The following ARID4B variants were observed in gnomAD, a reference collection of about 807,000 sequenced individuals.
ARID4B encodes AT-rich interactive domain-containing protein 4B.
In ARID4B, 26 loss-of-function variants were observed where a neutral mutation model predicts 147.5. The observed-to-expected ratio is 0.18, with a 90% CI of 0.13 to 0.24. The LOEUF is 0.24. Ranked by LOEUF, ARID4B falls within the 10% of genes least tolerant of loss-of-function variation. ARID4B has a pLI of 1.00. For missense variants in ARID4B, 1,179 were observed against 1,511.5 expected (o/e 0.78, Z 3.65); for synonymous variants, 512 against 507.9 (o/e 1.01, Z -0.11).
At chr1:235,285,864 TG>T (rs1414952468) in intron 2 of ARID4B, among the ~76,000 whole-genome samples, 7 of 152,216 alleles carry the variant, frequency 4.6e-5, no homozygotes, top group Non-Finnish European at 1.0e-4. Flanking sequence ...TTTAGAGATC[TG>T]GCAGAGAGTT....
chr1:235,266,303 C>CAT (rs1271167595), intron 2 of ARID4B, among the ~76,000 whole-genome samples: 1 of 152,118 alleles, frequency 6.6e-6, no homozygotes. Context: ...GATAAATATG[C>CAT]ATGTCTATCT....
rs1247133946 is a variant in ARID4B at position 235,247,134 on chromosome 1, TTC to T, written c.355-625_355-624del. 7.2e-5 allele frequency among the ~76,000 whole-genome samples: 11 copies of T among 152,316 alleles called. No homozygotes were observed. The South Asian group carries it at 2.3e-3, about 32-fold the overall frequency. The stretch of plus-strand genomic sequence containing the variant: ...ACGTTTTCTTAAGATTTTCCACAGT[TTC>T]TGTTCCTTTCCTCATCCTAAGAAGA... On this transcript the variant is annotated intron_variant, in intron 6 of 23. Coordinates refer to ENST00000264183, the MANE Select transcript of ARID4B (RefSeq NM_016374.6).
intron 2 of ARID4B, among the ~76,000 whole-genome samples, chr1:235,316,945 G>C (rs914559161): frequency 6.6e-6 from 1 of 152,170 alleles, no homozygotes; most frequent in East Asian, 1.9e-4. Flanking sequence ...ATGCTCACTG[G>C]AACATTTTGG....
In ARID4B at chr1:235,267,283, A is replaced by G. The variant is rs546328565; in HGVS notation, c.7-6531T>C. On this transcript the variant is annotated intron_variant, in intron 2 of 23. Transcript: ENST00000264183. The stretch of plus-strand genomic sequence containing the variant: ...ACAGAGCAAGGCTCTGTCAAAAAAC[A>G]AAACAAAACAAAACAAAAAACCATC... Among the ~76,000 whole-genome samples, 28 of 152,342 alleles carry G rather than the reference A, an allele frequency of 1.8e-4. No individual in the cohort carries two copies. In the South Asian group the frequency reaches 5.0e-3, roughly 27 times the overall value.
At chr1:235,187,701 T>C (rs1019987513) in intron 19 of ARID4B, among the ~76,000 whole-genome samples, 1 of 152,214 alleles carries the variant, frequency 6.6e-6, no homozygotes, top group African/African-American at 2.4e-5. Context: ...CAAATTTTTA[T>C]GTATACATAT....
At chr1:235,247,906 T>C (rs1669401411) in intron 6 of ARID4B, among the ~76,000 whole-genome samples, 1 of 152,102 alleles carries the variant, frequency 6.6e-6, no homozygotes, top group Non-Finnish European at 1.5e-5. Context: ...GAGAATCGCT[T>C]GAACCCGGCA....
chr1:235,230,370 C>A (rs2103046856), intron 10 of ARID4B, among the ~76,000 whole-genome samples: 1 of 151,978 alleles, frequency 6.6e-6, no homozygotes, highest in East Asian at 1.9e-4. Flanking sequence ...GATTGTACCA[C>A]TGCACTGCAA....
intron 14 of ARID4B, among the ~76,000 whole-genome samples, chr1:235,220,780 A>G (rs915008080): frequency 6.6e-6 from 1 of 152,238 alleles, no homozygotes. Flanking sequence ...TAAAAGTATT[A>G]GTAATAGCAT....
At chr1:235,302,287 G>A (rs557260487) in intron 2 of ARID4B, among the ~76,000 whole-genome samples, 1 of 139,518 alleles carries the variant, frequency 7.2e-6, no homozygotes, top group Non-Finnish European at 1.6e-5. Flanking sequence ...GAGGAAGGAA[G>A]GAAGGAAGGA....
At chr1:235,178,712 G>A (rs1664061227) in intron 20 of ARID4B, among the ~76,000 whole-genome samples, 1 of 151,966 alleles carries the variant, frequency 6.6e-6, no homozygotes, top group Non-Finnish European at 1.5e-5. Flanking sequence ...ACTATATAAA[G>A]TAAGATTTTT....
At chr1:235,304,633 T>A (rs1445402833) in intron 2 of ARID4B, among the ~76,000 whole-genome samples, 1 of 152,180 alleles carries the variant, frequency 6.6e-6, no homozygotes, top group Non-Finnish European at 1.5e-5. Context: ...ACCATCCTCA[T>A]CATGCAAAGG....
chr1:235,257,723 C>T (rs939310019), intron 3 of ARID4B, among the ~76,000 whole-genome samples: 1 of 152,044 alleles, frequency 6.6e-6, no homozygotes, highest in African/African-American at 2.4e-5. Flanking sequence ...TCAAGTGATC[C>T]GCCCGCCTTG....
chr1:235,195,719 C>T (rs1571946579), intron 18 of ARID4B, among the ~76,000 whole-genome samples: 2 of 152,244 alleles, frequency 1.3e-5, no homozygotes, highest in South Asian at 4.1e-4. Context: ...CAATAATAAC[C>T]TATGTCTCTC....
intron 10 of ARID4B, among the ~76,000 whole-genome samples, chr1:235,230,615 A>C (rs1668151321): frequency 1.2e-5 from 1 of 81,500 alleles, no homozygotes; most frequent in African/African-American, 3.5e-5. Context: ...AAAAAAAAAA[A>C]ACCAGAAAAA....
chr1:235,235,440 T>A (rs1290898420), intron 8 of ARID4B, among the ~76,000 whole-genome samples: 1 of 152,196 alleles, frequency 6.6e-6, no homozygotes, highest in Non-Finnish European at 1.5e-5. Flanking sequence ...TTTTCCCTGA[T>A]GAGCGAAGGA....
intron 19 of ARID4B, among the ~76,000 whole-genome samples, chr1:235,192,096 A>G (rs1665152052): frequency 6.6e-6 from 1 of 152,102 alleles, no homozygotes; most frequent in Admixed American, 6.6e-5. Flanking sequence ...ACAAAAAAAC[A>G]CCCTAAAAAA....
chr1:235,303,471 T>C (rs185463489), intron 2 of ARID4B, among the ~76,000 whole-genome samples: 60 of 151,800 alleles, frequency 4.0e-4, no homozygotes, highest in African/African-American at 1.3e-3. Context: ...ACTCCTGTAA[T>C]CCAGCACTTT....
intron 2 of ARID4B, among the ~76,000 whole-genome samples, chr1:235,325,616 G>A (rs900892441): frequency 2.2e-4 from 34 of 152,060 alleles, no homozygotes; most frequent in Admixed American, 7.2e-4. Context: ...GTACATATAC[G>A]AGTTACCTAA....
chr1:235,255,287 CTA>C (rs558596691), intron 5 of ARID4B, among the ~76,000 whole-genome samples: 1 of 136,502 alleles, frequency 7.3e-6, no homozygotes, highest in Non-Finnish European at 1.6e-5. Flanking sequence ...CTCTCTCTCT[CTA>C]TATATATATA....
Sources: gnomAD v4.1 joint callset for allele counts (sites outside exome capture counted in the v4.1 genomes callset) on GRCh38, gnomAD v4.1.1 for gene constraint, MANE v1.5 for transcripts, NCBI Gene and HGNC (gene_info 2026-07-23, HGNC 2026-07-21) for gene names.